The following ESRRG variants were observed in gnomAD, a reference collection of about 807,000 sequenced individuals.
ESRRG encodes estrogen-related receptor gamma.
In ESRRG, 13 loss-of-function variants were observed where a neutral mutation model predicts 44.0. The observed-to-expected ratio is 0.30, with a 90% confidence interval of 0.19 to 0.47. The LOEUF (loss-of-function observed/expected upper bound fraction) is 0.47. Ranked by LOEUF, ESRRG falls within the 20% of genes least tolerant of loss-of-function variation. The pLI is 1.00. For missense variants in ESRRG, 395 were observed against 580.6 expected, an observed-to-expected ratio of 0.68 and a Z score of 3.29; for synonymous variants, 215 against 214.6, an observed-to-expected ratio of 1.00 and a Z score of -0.02.
intron 2 of ESRRG, chr1:216,863,571 C>T (rs1458606813): frequency 6.6e-6 from 1 of 152,112 alleles, no homozygotes; most frequent in Non-Finnish European, 1.5e-5. Context: ...AGGGTATAGT[C>T]CAATTAGTCA....
intron 1 of ESRRG, among the ~76,000 whole-genome samples, chr1:216,997,787 G>A (rs1356863068): frequency 1.3e-5 from 2 of 152,228 alleles, no homozygotes; most frequent in East Asian, 3.9e-4. Flanking sequence ...ACCATACAAT[G>A]CTAGCAAATA....
intron 2 of ESRRG, among the ~76,000 whole-genome samples, chr1:216,897,797 C>T (rs968387481): frequency 1.4e-5 from 2 of 146,672 alleles, no homozygotes; most frequent in Non-Finnish European, 3.0e-5. Context: ...AGAACCCAGT[C>T]CTTTAAAAAA....
chr1:216,956,050 T>A (rs1324145749), intron 1 of ESRRG, among the ~76,000 whole-genome samples: 11 of 152,158 alleles, frequency 7.2e-5, no homozygotes, highest in Non-Finnish European at 2.9e-5. Flanking sequence ...AGAAGTTTCT[T>A]CAGTTTAATA....
intron 1 of ESRRG, among the ~76,000 whole-genome samples, chr1:216,996,856 G>GC (rs1348723082): frequency 1.1e-4 from 17 of 152,092 alleles, no homozygotes; most frequent in Non-Finnish European, 2.2e-4. Context: ...ACAACCTATG[G>GC]CCCCAATGAG....
intron 2 of ESRRG, among the ~76,000 whole-genome samples, chr1:216,771,186 T>C (rs959528188): frequency 2.0e-5 from 3 of 152,098 alleles, no homozygotes; most frequent in Non-Finnish European, 4.4e-5. Context: ...TGAACAAAAC[T>C]ATCATAATTC....
chr1:216,773,656 G>T (rs542392714), intron 2 of ESRRG, among the ~76,000 whole-genome samples: 1 of 152,214 alleles, frequency 6.6e-6, no homozygotes, highest in East Asian at 1.9e-4. Flanking sequence ...GGTCTTTCAT[G>T]AAGAAAAAGG....
chr1:216,520,037 A>G (rs1203789752), intron 5 of ESRRG, among the ~76,000 whole-genome samples: 1 of 152,102 alleles, frequency 6.6e-6, no homozygotes, highest in East Asian at 1.9e-4. Context: ...TAGTGATAAT[A>G]GGTATAAAAG....
intron 5 of ESRRG, among the ~76,000 whole-genome samples, chr1:216,541,596 GTGTGTGTGTGTA>G (rs1411833927): frequency 8.3e-4 from 119 of 143,186 alleles, no homozygotes; most frequent in African/African-American, 2.9e-3. Context: ...GTGTGTGTGT[GTGTGTGTGTGTA>G]TGTGATCAGC....
At chr1:216,640,370 C>T (rs1418542270) in intron 3 of ESRRG, among the ~76,000 whole-genome samples, 1 of 152,060 alleles carries the variant, frequency 6.6e-6, no homozygotes, top group African/African-American at 2.4e-5. Flanking sequence ...TTTTGTGAAC[C>T]TGGAACCTAG....
At chr1:216,824,118 C>T (rs1441119220) in intron 2 of ESRRG, among the ~76,000 whole-genome samples, 3 of 152,180 alleles carry the variant, frequency 2.0e-5, no homozygotes. Context: ...GGGAGCAACG[C>T]CCAACATCTT....
chr1:216,815,558 C>A (rs1286816042), intron 2 of ESRRG, among the ~76,000 whole-genome samples: 6 of 152,194 alleles, frequency 3.9e-5, no homozygotes. Flanking sequence ...GTGCCACCTG[C>A]CCTGGGAAAA....
chr1:216,827,207 G>A (rs191315217), intron 2 of ESRRG, among the ~76,000 whole-genome samples: 16 of 152,082 alleles, frequency 1.1e-4, no homozygotes, highest in African/African-American at 3.9e-4. Flanking sequence ...GCATTATATT[G>A]TTACTAAAAG....
intron 2 of ESRRG, among the ~76,000 whole-genome samples, chr1:216,739,570 G>A (rs1231322873): frequency 6.6e-6 from 1 of 152,168 alleles, no homozygotes; most frequent in Non-Finnish European, 1.5e-5. Flanking sequence ...TCCAGGAACT[G>A]TTAGTGTAAA....
intron 2 of ESRRG, among the ~76,000 whole-genome samples, chr1:216,875,461 T>C (rs1382449201): frequency 1.3e-5 from 2 of 152,116 alleles, no homozygotes; most frequent in African/African-American, 2.4e-5. Flanking sequence ...ATATCTCAGA[T>C]TATTTTTATC....
At chr1:217,031,495 G>T (rs144328338) in intron 1 of ESRRG, among the ~76,000 whole-genome samples, 2 of 152,352 alleles carry the variant, frequency 1.3e-5, no homozygotes, top group African/African-American at 4.8e-5. Context: ...ACAGCTTTCA[G>T]CTTTCTTCTT....
chr1:217,037,595 G>C (rs906002047), intron 1 of ESRRG, among the ~76,000 whole-genome samples: 1 of 152,026 alleles, frequency 6.6e-6, no homozygotes, highest in African/African-American at 2.4e-5. Context: ...ACACAGCCAA[G>C]TCACATTATT....
upstream of ESRRG, among the ~76,000 whole-genome samples, chr1:217,092,195 A>G (rs545130191): frequency 2.0e-5 from 3 of 152,290 alleles, no homozygotes; most frequent in South Asian, 2.1e-4. Flanking sequence ...TTCAAGTTCA[A>G]ACTCTGCAGA....
At chr1:216,657,932 G>T (rs1025601834) in intron 2 of ESRRG, among the ~76,000 whole-genome samples, 2 of 152,130 alleles carry the variant, frequency 1.3e-5, no homozygotes, top group Non-Finnish European at 2.9e-5. Context: ...GTATATAAGA[G>T]GCATACAGCA....
At chr1:216,704,569 A>C (rs2082087572) in intron 1 of ESRRG, among the ~76,000 whole-genome samples, 1 of 152,152 alleles carries the variant, frequency 6.6e-6, no homozygotes, top group African/African-American at 2.4e-5. Flanking sequence ...GTAAATTCTA[A>C]AGTGTAAAAC....
Sources: allele counts gnomAD v4.1 joint callset (sites outside exome capture counted in the v4.1 genomes callset), GRCh38; gene constraint gnomAD v4.1.1; transcripts MANE v1.5; gene names NCBI Gene and HGNC (gene_info 2026-07-23, HGNC 2026-07-21).